APPL1: variants seen among roughly 807,000 people sequenced by gnomAD.
APPL1 encodes the protein adaptor protein, phosphotyrosine interacting with PH domain and leucine zipper 1.
Under a neutral mutation model 106.8 loss-of-function variants are expected in APPL1, and 42 were observed. That is an observed-to-expected ratio of 0.39 (90% confidence interval 0.31 to 0.51). The LOEUF (loss-of-function observed/expected upper bound fraction) is 0.51, where lower values mean the gene tolerates loss of function less well. Among genes scored for constraint, APPL1 ranks in the 20% least tolerant of loss-of-function variants. APPL1 has a pLI of 0.75. For missense variants in APPL1, 769 were observed against 858.2 expected (o/e 0.90, Z 1.30); for synonymous variants, 263 against 281.8 (o/e 0.93, Z 0.67).
At chr3:57,245,495 T>G (rs2060767818) in intron 7 of APPL1, among the ~76,000 whole-genome samples, 1 of 152,080 alleles carries the variant, frequency 6.6e-6, no homozygotes, top group Non-Finnish European at 1.5e-5. Context: ...CCATGCTTAG[T>G]TTAGTTATTG....
rs377176956 is a variant in APPL1 at position 57,263,765 on chromosome 3, G to GT, written c.1842+3005dup. Among the ~76,000 whole-genome samples, 1,262 of 138,980 alleles carry GT rather than the reference G, an allele frequency of 9.1e-3. 10 individuals are homozygous for GT. The highest frequency in any genetic ancestry group is 0.01 in the African/African-American group (407 of 39,016). The allele number at this position is 138,980 out of a possible 152,430, so 91.2% of individuals were successfully genotyped here. On this transcript the variant is annotated intron_variant, in intron 19 of 21. Transcript: ENST00000288266. Reference sequence around the variant, plus strand: ...CATTTTCTTTATCCATTCATCTGTTGTTTTTTTTTTTTTTCCATTCATCTG... The same window carrying GT: ...CATTTTCTTTATCCATTCATCTGTTGTTTTTTTTTTTTTTTCCATTCATCTG...
At chr3:57,239,522 T>G (rs1049713394) in intron 4 of APPL1, among the ~76,000 whole-genome samples, 1 of 152,058 alleles carries the variant, frequency 6.6e-6, no homozygotes, top group African/African-American at 2.4e-5. Context: ...TTTGTTTATC[T>G]GGTCATCTCT....
rs979799726 is a variant in APPL1, at chr3:57,228,836, CTA to C, written c.54+901_54+902del. Among the ~76,000 whole-genome samples the C allele has an allele frequency of 3.9e-5, 6 of 152,212 alleles. No individual in the cohort carries two copies. The highest frequency in any genetic ancestry group is 1.4e-4 in the African/African-American group (6 of 41,456). ...TTAAGACGGTGTTGCTGGTTGGACACTATTTAGAATGAAACATTTCTGAATTG... is the reference window on the plus strand; with the variant it reads ...TTAAGACGGTGTTGCTGGTTGGACACTTTAGAATGAAACATTTCTGAATTG... On this transcript the variant is annotated intron_variant, in intron 1 of 21. Transcript: ENST00000288266. The surrounding 1 kb of genome is among the most constrained non-coding windows in gnomAD (Gnocchi z 4.6).
chr3:57,267,765 A>G lies in APPL1; in HGVS notation c.1866A>G (p.Ala622=), dbSNP rs554735487. 3 of 1,613,950 alleles carry G rather than the reference A, an allele frequency of 1.9e-6. No homozygotes were observed. The highest frequency in any genetic ancestry group is 2.7e-5 in the African/African-American group (2 of 75,056). ...AGATATGTGATTCTGTTGGACTGGC[A>G]AAACAGATAGCTTTGCATGCTGAAC... The part of the protein sequence containing the change: ...GEKICDSVGL[A]KQIALHAELD... The change falls in exon 20 of 22, where the codon GCA becomes GCG. Residue 622 remains alanine (A), a synonymous_variant. Coordinates refer to ENST00000288266, the MANE Select transcript of APPL1 (RefSeq NM_012096.3).
At position 57,271,081 on chromosome 3, in the gene APPL1, T is replaced by C. The variant is rs1414526809; in HGVS notation, c.*1394T>C. ...TTTACATAGTCACACATTTACAAAT[T>C]TTTCAAGAGGTTAGCCACTAAGACT... On this transcript the variant is annotated 3_prime_UTR_variant, in exon 22 of 22. Transcript: ENST00000288266. 3 of 152,342 alleles carry C rather than the reference T, an allele frequency of 2.0e-5. No individual in the cohort carries two copies. The highest frequency in any genetic ancestry group is 7.2e-5 in the African/African-American group (3 of 41,432). 9.4% of individuals were successfully genotyped at this position (152,342 alleles called of 1,614,324 possible).
chr3:57,246,243 G>T, intron 8 of APPL1, 21 bp downstream of exon 8: 1 of 1,501,550 alleles, frequency 6.7e-7, no homozygotes, highest in South Asian at 1.4e-5. Context: ...TACTGTATTT[G>T]GATTATAACT....
chr3:57,244,395 A>T (rs1191663598), intron 7 of APPL1, among the ~76,000 whole-genome samples: 3 of 152,182 alleles, frequency 2.0e-5, no homozygotes, highest in African/African-American at 7.2e-5. Flanking sequence ...ACTTCAGGTG[A>T]TCTGCCTGCC....
At chr3:57,268,976 GA>G (rs2060915334) in intron 21 of APPL1, 1 of 152,984 alleles carries the variant, frequency 6.5e-6, no homozygotes, top group Non-Finnish European at 1.5e-5. Context: ...GAAATTGTAA[GA>G]GCGTGTTATG....
At chr3:57,243,454 A>G (rs1340000736) in intron 7 of APPL1, among the ~76,000 whole-genome samples, 1 of 152,208 alleles carries the variant, frequency 6.6e-6, no homozygotes, top group Non-Finnish European at 1.5e-5. Context: ...GTCTTTCTCC[A>G]GCATCTAGTC....
At chr3:57,262,242 C>T (rs1488382455) in intron 19 of APPL1, among the ~76,000 whole-genome samples, 2 of 151,950 alleles carry the variant, frequency 1.3e-5, no homozygotes, top group Admixed American at 6.6e-5. Context: ...GCTATGCAGA[C>T]ACTTTTTAGT....
intron 12 of APPL1, among the ~76,000 whole-genome samples, chr3:57,253,023 G>A (rs569852784): frequency 6.6e-6 from 1 of 152,198 alleles, no homozygotes; most frequent in South Asian, 2.1e-4. Context: ...CTTGCTTTTA[G>A]TCTCTGAGGA....
At chr3:57,240,360 A>G (rs2107599344) in intron 4 of APPL1, 105 bp from the exon 5 acceptor site, 2 of 845,056 alleles carry the variant, frequency 2.4e-6, no homozygotes, top group East Asian at 5.3e-5. Context: ...GTTTTCCTAT[A>G]TAAAATATAT....
chr3:57,255,134 G>A (rs1322479359), intron 13 of APPL1, among the ~76,000 whole-genome samples: 1 of 152,238 alleles, frequency 6.6e-6, no homozygotes, highest in African/African-American at 2.4e-5. Flanking sequence ...CAAACATACA[G>A]GTAGAACCCA....
intron 10 of APPL1, 145 bp downstream of exon 10, chr3:57,248,496 T>G (rs1369513844): frequency 1.2e-6 from 1 of 840,028 alleles, no homozygotes; most frequent in Non-Finnish European, 1.8e-6. Flanking sequence ...TGTGAACTTT[T>G]TGACAGATGA....
intron 7 of APPL1, among the ~76,000 whole-genome samples, chr3:57,244,696 T>C (rs2060763880): frequency 6.6e-6 from 1 of 152,124 alleles, no homozygotes; most frequent in Non-Finnish European, 1.5e-5. Flanking sequence ...TTGAAATTTG[T>C]GTTAGAGGGA....
At chr3:57,254,227 C>G (rs2060822663) in intron 13 of APPL1, among the ~76,000 whole-genome samples, 1 of 152,144 alleles carries the variant, frequency 6.6e-6, no homozygotes, top group Admixed American at 6.5e-5. Context: ...TAAATTATTT[C>G]AAAAGATACT....
chr3:57,244,296 C>G (rs116217274), intron 7 of APPL1, among the ~76,000 whole-genome samples: 2,656 of 152,048 alleles, frequency 0.017, 89 homozygotes, highest in African/African-American at 0.059. Context: ...ACTGGGATTA[C>G]AGGTGTTAGC....
intron 1 of APPL1, among the ~76,000 whole-genome samples, chr3:57,231,955 T>C (rs1364174608): frequency 6.6e-6 from 1 of 152,206 alleles, no homozygotes; most frequent in Non-Finnish European, 1.5e-5. Flanking sequence ...ACAAGCATCT[T>C]TTAAGAATAC....
chr3:57,260,881 G>T, intron 19 of APPL1, 107 bp downstream of exon 19: 10 of 1,189,634 alleles, frequency 8.4e-6, no homozygotes, highest in Non-Finnish European at 1.1e-5. Context: ...AGTAATTACT[G>T]ATTGAATTCT....
Sources: gnomAD v4.1 joint callset for allele counts (sites outside exome capture counted in the v4.1 genomes callset) on GRCh38, gnomAD v4.1.1 for gene constraint, Gnocchi (gnomAD v3.1) non-coding constraint, MANE v1.5 for transcripts, NCBI Gene and HGNC (gene_info 2026-07-23, HGNC 2026-07-21) for gene names.